The following ANKH variants were observed in gnomAD, a reference collection of about 807,000 sequenced individuals.
ANKH encodes the protein ANKH inorganic pyrophosphate transport regulator, also known as mineralization regulator ANKH.
ANKH carries 15 observed loss-of-function variants against 49.0 expected under a neutral mutation model. That is an observed-to-expected ratio of 0.31 (90% CI 0.20 to 0.47). ANKH has a LOEUF of 0.47. ANKH is among the 20% of genes least tolerant of loss of function. The pLI is 1.00. For missense variants in ANKH, 429 were observed against 652.0 expected, an observed-to-expected ratio of 0.66 and a Z score of 3.72; for synonymous variants, 273 against 260.0, an observed-to-expected ratio of 1.05 and a Z score of -0.48.
At chr5:14,747,793 G>A (rs1738585856) in intron 6 of ANKH, among the ~76,000 whole-genome samples, 1 of 152,198 alleles carries the variant, frequency 6.6e-6, no homozygotes, top group African/African-American at 2.4e-5. Flanking sequence ...GTGGCGTGCT[G>A]TGCTAGAACA....
At chr5:14,833,457 A>T (rs991825994) in intron 1 of ANKH, among the ~76,000 whole-genome samples, 5 of 152,232 alleles carry the variant, frequency 3.3e-5, no homozygotes, top group Non-Finnish European at 7.3e-5. Flanking sequence ...GCTCTCAGAC[A>T]TATCAATCTT....
At chr5:14,746,004 G>A in intron 6 of ANKH, 42 bp from the exon 7 acceptor site, 1 of 1,552,344 alleles carries the variant, frequency 6.4e-7, no homozygotes, top group Non-Finnish European at 8.9e-7. Flanking sequence ...GGTACCAGCA[G>A]GAAGTCCTCC....
intron 1 of ANKH, among the ~76,000 whole-genome samples, chr5:14,786,745 TG>T (rs1443151765): frequency 6.6e-6 from 1 of 152,194 alleles, no homozygotes; most frequent in East Asian, 1.9e-4. Context: ...TATAATTGTG[TG>T]GAAAAGGAAT....
chr5:14,819,251 T>C (rs1741129322), intron 1 of ANKH, among the ~76,000 whole-genome samples: 1 of 152,228 alleles, frequency 6.6e-6, no homozygotes, highest in Admixed American at 6.5e-5. Context: ...CTATTTCTTT[T>C]GCATAACTCA....
intron 2 of ANKH, among the ~76,000 whole-genome samples, chr5:14,766,602 G>A (rs1347274862): frequency 6.6e-6 from 1 of 152,190 alleles, no homozygotes; most frequent in Non-Finnish European, 1.5e-5. Context: ...ATTCATTAAG[G>A]TGATGGGAAA....
intron 7 of ANKH, 58 bp from the exon 8 acceptor site, chr5:14,741,980 C>T (rs1352580234): frequency 3.5e-5 from 46 of 1,318,672 alleles, no homozygotes; most frequent in Admixed American, 5.1e-5. Context: ...CTGAACCCAC[C>T]GGGGGATCTT....
At chr5:14,778,426 AG>A (rs1179402897) in intron 1 of ANKH, among the ~76,000 whole-genome samples, 1 of 152,100 alleles carries the variant, frequency 6.6e-6, no homozygotes, top group African/African-American at 2.4e-5. Flanking sequence ...CCGTCTGGTC[AG>A]CCCACCCAAT....
At position 14,745,781 on chromosome 5, in the gene ANKH, G is replaced by T; in HGVS notation, c.915+89C>A. 1 of 1,137,378 alleles carries T rather than the reference G, an allele frequency of 8.8e-7. No homozygotes were observed. Among genetic ancestry groups the T allele is most frequent in the Non-Finnish European group, 1.3e-6 (1 of 751,534 alleles). The allele number at this position is 1,137,378 out of a possible 1,614,324, so 70.5% of individuals were successfully genotyped here. A position where few individuals can be genotyped will look rare whatever the true frequency, so the allele number is the denominator to read the frequency against. On this transcript the variant is annotated intron_variant, in intron 7 of 11. Coordinates refer to ENST00000284268, the MANE Select transcript of ANKH (RefSeq NM_054027.6). This position sits in a 1 kb window ranked among gnomAD's most constrained non-coding sequence, Gnocchi z 4.7. Reference sequence around the variant, plus strand: ...TTACAAAGGGAAGCAGGACTGAGAAGCAACAAAGTGTCCCTCATCAGAGAG... The same window carrying T: ...TTACAAAGGGAAGCAGGACTGAGAATCAACAAAGTGTCCCTCATCAGAGAG...
At chr5:14,826,312 T>C (rs1252694004) in intron 1 of ANKH, among the ~76,000 whole-genome samples, 1 of 152,142 alleles carries the variant, frequency 6.6e-6, no homozygotes, top group African/African-American at 2.4e-5. Context: ...CTGGATTTGG[T>C]CTCCCAAAAA....
intron 1 of ANKH, among the ~76,000 whole-genome samples, chr5:14,847,252 T>C (rs1251654034): frequency 2.6e-5 from 4 of 152,148 alleles, no homozygotes; most frequent in Admixed American, 6.6e-5. Context: ...TGAATGCTTA[T>C]GTAGCCAGTA....
At chr5:14,871,268 C>G (rs760156126) in intron 1 of ANKH, 84 bp downstream of exon 1, 30 of 1,178,512 alleles carry the variant, frequency 2.5e-5, no homozygotes, top group Non-Finnish European at 3.6e-5. Flanking sequence ...GGACTCGGAG[C>G]AGGTGACTCC....
chr5:14,865,624 A>G (rs931956430), intron 1 of ANKH, among the ~76,000 whole-genome samples: 1 of 152,176 alleles, frequency 6.6e-6, no homozygotes, highest in African/African-American at 2.4e-5. Context: ...GGTCCTCTCC[A>G]TTGCTCAGTG....
chr5:14,859,057 T>C (rs1246941541), intron 1 of ANKH, among the ~76,000 whole-genome samples: 1 of 152,192 alleles, frequency 6.6e-6, no homozygotes, highest in Non-Finnish European at 1.5e-5. Flanking sequence ...ATTTTAATAA[T>C]TTTTAAGTGT....
At chr5:14,858,094 G>A (rs1413587972) in intron 1 of ANKH, among the ~76,000 whole-genome samples, 1 of 152,196 alleles carries the variant, frequency 6.6e-6, no homozygotes, top group Admixed American at 6.5e-5. Context: ...CCATGTGATG[G>A]AAGCTAGGAG....
intron 1 of ANKH, among the ~76,000 whole-genome samples, chr5:14,802,347 T>C (rs1740590205): frequency 6.6e-6 from 1 of 152,078 alleles, no homozygotes. Flanking sequence ...GTTGATTCTG[T>C]CTCCTATGTA....
chr5:14,716,806 G>A lies in ANKH; in HGVS notation c.1041C>T (p.Asn347=), dbSNP rs895305285. 1.4e-5 allele frequency: 22 copies of A among 1,613,952 alleles called. No homozygotes were observed. The highest frequency in any genetic ancestry group is 2.2e-5 in the South Asian group (2 of 91,080). Reference sequence around the variant, plus strand: ...TGTCTATCAAGATTTTCTCAGACACGTTGGGTGTCCAAAACATCACGAAAC... The same window carrying A: ...TGTCTATCAAGATTTTCTCAGACACATTGGGTGTCCAAAACATCACGAAAC... ...TLCFVMFWTP[N]VSEKILIDII... is the part of the protein sequence containing the mutation. Residue 347 remains asparagine (N), a synonymous_variant, in exon 9 of 12, where the codon AAC becomes AAT. Coordinates refer to ENST00000284268, the MANE Select transcript of ANKH (RefSeq NM_054027.6).
rs576262508 is a variant in ANKH, at chr5:14,716,795, T to G, written c.1052A>C (p.Lys351Thr). 2 of 1,614,172 alleles carry G rather than the reference T, an allele frequency of 1.2e-6. No homozygotes were observed. Among genetic ancestry groups the G allele is most frequent in the South Asian group, 2.2e-5 (2 of 91,090 alleles). The change falls in exon 9 of 12, where the codon AAA becomes ACA. Residue 351 changes from lysine (K) to threonine (T), a missense_variant. Lys to Thr is a moderately conservative substitution (Grantham distance 78). This residue lies in a region of ANKH where 378 missense variants were observed against 615.3 expected (regional missense o/e 0.61). Coordinates refer to ENST00000284268, the MANE Select transcript of ANKH (RefSeq NM_054027.6). ...CACTCCGATGATGTCTATCAAGATT[T>G]TCTCAGACACGTTGGGTGTCCAAAA... is the stretch of plus-strand genomic sequence containing the variant. ...VMFWTPNVSE[K>T]ILIDIIGVDF...
At chr5:14,819,683 A>G (rs1489239597) in intron 1 of ANKH, among the ~76,000 whole-genome samples, 2 of 152,068 alleles carry the variant, frequency 1.3e-5, no homozygotes, top group African/African-American at 4.8e-5. Context: ...CTGGGCAACA[A>G]GGCAAAACCC....
chr5:14,731,045 A>G (rs1737983170), intron 8 of ANKH, among the ~76,000 whole-genome samples: 1 of 152,188 alleles, frequency 6.6e-6, no homozygotes, highest in Non-Finnish European at 1.5e-5. Flanking sequence ...CAAAGCACAG[A>G]GCGAGGGGAC....
Sources: allele counts gnomAD v4.1 joint callset (sites outside exome capture counted in the v4.1 genomes callset), GRCh38; gene constraint gnomAD v4.1.1; regional missense constraint gnomAD v4.1.1; non-coding constraint Gnocchi (gnomAD v3.1); transcripts MANE v1.5; gene names NCBI Gene and HGNC (gene_info 2026-07-23, HGNC 2026-07-21).